ZBBX: variants seen among roughly 807,000 people sequenced by gnomAD.
ZBBX encodes the protein zinc finger B-box domain containing.
In ZBBX, 101 loss-of-function variants were observed where a neutral mutation model predicts 108.5. That is an observed-to-expected ratio of 0.93 (90% CI 0.79 to 1.10). The LOEUF is 1.10. Ranked by LOEUF, ZBBX falls within the 50% of genes least tolerant of loss-of-function variation. The pLI is 0.00. For missense variants in ZBBX, 1,009 were observed against 941.4 expected (o/e 1.07, Z -0.94); for synonymous variants, 356 against 323.4 (o/e 1.10, Z -1.08).
chr3:167,281,724 A>T (rs1728844552), intron 20 of ZBBX, among the ~76,000 whole-genome samples: 1 of 152,236 alleles, frequency 6.6e-6, no homozygotes. Flanking sequence ...AACTAGCAGC[A>T]CTGGCATCAC....
the ZBBX span, among the ~76,000 whole-genome samples, chr3:167,198,190 T>C: frequency 3.3e-5 from 5 of 152,090 alleles, no homozygotes; most frequent in African/African-American, 1.2e-4. Flanking sequence ...TGAAGAGGTA[T>C]GTTCTGATAG....
the ZBBX span, among the ~76,000 whole-genome samples, chr3:167,221,572 T>G: frequency 6.6e-5 from 10 of 151,822 alleles, no homozygotes; most frequent in African/African-American, 2.2e-4. Context: ...CTACTACAAT[T>G]AGAGATTTTG....
At chr3:167,283,151 A>T (rs1729100348) in intron 19 of ZBBX, among the ~76,000 whole-genome samples, 1 of 152,214 alleles carries the variant, frequency 6.6e-6, no homozygotes, top group Non-Finnish European at 1.5e-5. Context: ...CCTCTAGGAC[A>T]GTCGCTACTT....
At chr3:167,234,653 T>G in the ZBBX span, among the ~76,000 whole-genome samples, 1 of 151,844 alleles carries the variant, frequency 6.6e-6, no homozygotes, top group Non-Finnish European at 1.5e-5. Context: ...GGAAAATTCT[T>G]GTATACTGGA....
At chr3:167,183,464 C>T in the ZBBX span, among the ~76,000 whole-genome samples, 1 of 152,164 alleles carries the variant, frequency 6.6e-6, no homozygotes. Flanking sequence ...CCCAGCGGCG[C>T]TAGAGGAATT....
chr3:167,385,859 T>C (rs1003630412), intron 1 of ZBBX, among the ~76,000 whole-genome samples: 1 of 152,040 alleles, frequency 6.6e-6, no homozygotes, highest in Non-Finnish European at 1.5e-5. Context: ...GGTGCATAAC[T>C]GTATAAGGTT....
intron 11 of ZBBX, 80 bp downstream of exon 11, chr3:167,327,862 C>T: frequency 2.9e-6 from 4 of 1,378,476 alleles, no homozygotes; most frequent in Non-Finnish European, 3.8e-6. Context: ...TGCAGTAAGC[C>T]AAGATCACGC....
At chr3:167,187,486 A>G in the ZBBX span, among the ~76,000 whole-genome samples, 1 of 152,200 alleles carries the variant, frequency 6.6e-6, no homozygotes, top group Non-Finnish European at 1.5e-5. Flanking sequence ...GAGAAGTGGT[A>G]ATTTGTGACT....
the ZBBX span, among the ~76,000 whole-genome samples, chr3:167,183,386 T>C: frequency 1.3e-5 from 2 of 152,178 alleles, no homozygotes; most frequent in Non-Finnish European, 2.9e-5. Flanking sequence ...CGGCGACCCT[T>C]TGACCCGGGT....
At chr3:167,179,667 C>G in the ZBBX span, among the ~76,000 whole-genome samples, 1 of 152,182 alleles carries the variant, frequency 6.6e-6, no homozygotes, top group African/African-American at 2.4e-5. Context: ...ACCTCAATTA[C>G]AGCTACAAGC....
chr3:167,240,905 T>C lies in ZBBX; in HGVS notation c.2408A>G (p.Asp803Gly), dbSNP rs747196429. The C allele has an allele frequency of 5.0e-6, 8 of 1,613,084 alleles. No homozygotes were observed. In the Admixed American group the frequency reaches 6.7e-5, roughly 13 times the overall value. The change falls in exon 22 of 22, where the codon GAT becomes GGT. Residue 803 changes from aspartate (D) to glycine (G), a missense_variant. Transcript: ENST00000675490. The part of the protein sequence containing the change: ...GVEELSCSGR[D>G]TKIQSLLSLS... Reference sequence around the variant, plus strand: ...TGACAGCAAAGACTGAATTTTGGTATCTCTTCCAGAACAGCTGAAAATACA... The same window carrying C: ...TGACAGCAAAGACTGAATTTTGGTACCTCTTCCAGAACAGCTGAAAATACA...
chr3:167,359,520 TG>T (rs1403920710), intron 8 of ZBBX, among the ~76,000 whole-genome samples: 1 of 152,102 alleles, frequency 6.6e-6, no homozygotes, highest in Non-Finnish European at 1.5e-5. Context: ...GGTGCAGGCT[TG>T]GAGGTCAAAA....
the ZBBX span, among the ~76,000 whole-genome samples, chr3:167,227,630 C>T: frequency 6.6e-6 from 1 of 151,662 alleles, no homozygotes; most frequent in Admixed American, 6.6e-5. Context: ...AAAGGCATGG[C>T]CTCTTTCCAC....
At position 167,313,248 on chromosome 3, in the gene ZBBX, A is replaced by G. The variant is rs562533889; in HGVS notation, c.1417+726T>C. Reference sequence around the variant, plus strand: ...TACCTAGGGAACTACTAGTAATAGCAACATAGATATATAAGCAAGATGATG... The same window carrying G: ...TACCTAGGGAACTACTAGTAATAGCGACATAGATATATAAGCAAGATGATG... On this transcript the variant is annotated intron_variant, in intron 16 of 21. Coordinates refer to ENST00000675490, the MANE Select transcript of ZBBX (RefSeq NM_001199201.2). 1.2e-4 allele frequency among the ~76,000 whole-genome samples: 18 copies of G among 152,220 alleles called. 1 individual carries two copies. The highest frequency in any genetic ancestry group is 6.8e-3 in the Middle Eastern group (2 of 294).
chr3:167,244,928 G>A (rs1179884652), intron 20 of ZBBX, among the ~76,000 whole-genome samples: 1 of 152,104 alleles, frequency 6.6e-6, no homozygotes, highest in Non-Finnish European at 1.5e-5. Flanking sequence ...TAAAACTGAA[G>A]TCATTTAAAA....
At chr3:167,402,424 T>C (rs1324369155) in intron 1 of ZBBX, among the ~76,000 whole-genome samples, 2 of 152,120 alleles carry the variant, frequency 1.3e-5, no homozygotes, top group East Asian at 3.9e-4. Context: ...ATCTGAACAA[T>C]CAACTCCCAC....
chr3:167,191,534 C>T, the ZBBX span, among the ~76,000 whole-genome samples: 2 of 152,148 alleles, frequency 1.3e-5, no homozygotes, highest in South Asian at 2.1e-4. Flanking sequence ...ATGAATCTCA[C>T]GAGATCTGAT....
upstream of ZBBX, among the ~76,000 whole-genome samples, chr3:167,384,383 T>C (rs1747841156): frequency 6.6e-6 from 1 of 152,084 alleles, no homozygotes; most frequent in African/African-American, 2.4e-5. Context: ...TGCTTGTCTC[T>C]ACATTTGATA....
intron 21 of ZBBX, among the ~76,000 whole-genome samples, chr3:167,242,246 T>C (rs1251283285): frequency 1.3e-5 from 2 of 152,194 alleles, no homozygotes; most frequent in Non-Finnish European, 2.9e-5. Context: ...AGGATTATTA[T>C]ATTCCAAATA....
Sources: gnomAD v4.1 joint callset for allele counts (sites outside exome capture counted in the v4.1 genomes callset) on GRCh38, gnomAD v4.1.1 for gene constraint, MANE v1.5 for transcripts, NCBI Gene and HGNC (gene_info 2026-07-23, HGNC 2026-07-21) for gene names.